FNTA: variants seen among roughly 807,000 people sequenced by gnomAD.
The protein encoded by FNTA is farnesyltransferase, CAAX box, subunit alpha, also known as protein farnesyltransferase/geranylgeranyltransferase type-1 subunit alpha.
In FNTA, 27 loss-of-function variants were observed where a neutral mutation model predicts 55.2. The observed-to-expected ratio is 0.49, with a 90% confidence interval of 0.36 to 0.67. The LOEUF is 0.67. Among genes scored for constraint, FNTA ranks in the 30% least tolerant of loss-of-function variants. The pLI, the probability that FNTA is intolerant of heterozygous loss-of-function variation, is 0.00. For synonymous variants in FNTA, 176 were observed against 170.7 expected (o/e 1.03, Z -0.24); for missense variants, 422 against 464.7 (o/e 0.91, Z 0.85).
chr8:43,073,075 A>G (rs1227211505), intron 5 of FNTA, among the ~76,000 whole-genome samples: 1 of 152,172 alleles, frequency 6.6e-6, no homozygotes, highest in Non-Finnish European at 1.5e-5. Flanking sequence ...AAACAGTTCT[A>G]GTATTGTTTC....
intron 1 of FNTA, chr8:43,057,356 AGTC>A (rs1810432917): frequency 6.6e-6 from 1 of 152,214 alleles, no homozygotes; most frequent in Non-Finnish European, 1.5e-5. Context: ...AATGAGTAGA[AGTC>A]ACTACCCATA....
At position 43,068,661 on chromosome 8, in the gene FNTA, T is replaced by G. The variant is rs572695323; in HGVS notation, c.402-894T>G. Among the ~76,000 whole-genome samples, 137 of 152,336 alleles carry G rather than the reference T, an allele frequency of 9.0e-4. 1 individual carries two copies. The highest frequency in any genetic ancestry group is 3.1e-3 in the African/African-American group (130 of 41,572). ...ATAATTTTAGTTGGTTGGCTGTCAT[T>G]ACTTAAGAATCAGAAATTTACTTTT... On this transcript the variant is annotated intron_variant, in intron 3 of 8. Coordinates refer to ENST00000302279, the MANE Select transcript of FNTA (RefSeq NM_002027.3).
intron 3 of FNTA, among the ~76,000 whole-genome samples, chr8:43,065,362 C>T (rs1320427287): frequency 6.6e-6 from 1 of 152,040 alleles, no homozygotes; most frequent in Non-Finnish European, 1.5e-5. Context: ...ATTCTCCTGC[C>T]TCAGCCTCCC....
rs543138800 is a variant in FNTA, at chr8:43,061,279, C to A, written c.286+2102C>A. Reference sequence around the variant, plus strand: ...GGCACATGGCATGAGAAGATATGCACAGGAGGTTAAAAGCACAGACTTTGG... The same window carrying A: ...GGCACATGGCATGAGAAGATATGCAAAGGAGGTTAAAAGCACAGACTTTGG... On this transcript the variant is annotated intron_variant, in intron 2 of 8. Transcript: ENST00000302279. Among the ~76,000 whole-genome samples, 17 of 152,294 alleles carry A rather than the reference C, an allele frequency of 1.1e-4. No homozygotes were observed. The South Asian group carries it at 3.5e-3, about 32-fold the overall frequency.
At chr8:43,061,986 T>C (rs1432814176) in intron 2 of FNTA, among the ~76,000 whole-genome samples, 1 of 152,200 alleles carries the variant, frequency 6.6e-6, no homozygotes, top group Non-Finnish European at 1.5e-5. Context: ...CCCAGAGTGC[T>C]GGGATTACAA....
chr8:43,085,438 T>A lies in FNTA; in HGVS notation c.*156T>A, dbSNP rs1811108478. ...AGAACTGATGCTCCTTGGGTGCTGC[T>A]GCTACTCAGACTAGCTCTAAGTAAT... is the stretch of plus-strand genomic sequence containing the variant. On this transcript the variant is annotated 3_prime_UTR_variant, in exon 9 of 9. Coordinates refer to ENST00000302279, the MANE Select transcript of FNTA (RefSeq NM_002027.3). 3.0e-6 allele frequency: 2 copies of A among 655,848 alleles called. No homozygotes were observed. The highest frequency in any genetic ancestry group is 5.2e-6 in the Non-Finnish European group (2 of 383,108). The allele number at this position is 655,848 out of a possible 1,614,324, so 40.6% of individuals were successfully genotyped here.
chr8:43,076,136 C>G (rs377510148), intron 5 of FNTA, among the ~76,000 whole-genome samples: 1 of 152,064 alleles, frequency 6.6e-6, no homozygotes, highest in Admixed American at 6.6e-5. Flanking sequence ...CTCCACCTCA[C>G]GGGTTCAAGC....
At position 43,085,588 on chromosome 8, in the gene FNTA, G is replaced by A. The variant is rs1330695496; in HGVS notation, c.*306G>A. ...ATCAGCTCCTCCCTCAGTGGTACAT[G>A]CGTCAAGATTTGTAGCAGTAATAAC... On this transcript the variant is annotated 3_prime_UTR_variant, in exon 9 of 9. Coordinates refer to ENST00000302279, the MANE Select transcript of FNTA (RefSeq NM_002027.3). 2 of 305,280 alleles carry A rather than the reference G, an allele frequency of 6.6e-6. No homozygotes were observed. The highest frequency in any genetic ancestry group is 4.5e-5 in the African/African-American group (2 of 44,852). 18.9% of individuals were successfully genotyped at this position (305,280 alleles called of 1,614,324 possible). A position where few individuals can be genotyped will look rare whatever the true frequency, so the allele number is the denominator to read the frequency against.
chr8:43,084,881 G>A lies in FNTA; in HGVS notation c.1017G>A (p.Glu339=). 1 of 1,613,408 alleles carries A rather than the reference G, an allele frequency of 6.2e-7. No homozygotes were observed. ...AAGACATTCTTAATAAAGCATTAGA[G>A]GTAAGCTGGTGGGGCTCAGTGCTGT... ...NKEDILNKAL[E]LCEILAKEKD... The change falls in exon 8 of 9, where the codon GAG becomes GAA. Residue 339 remains glutamate (E), a splice_region_variant and synonymous_variant. Transcript: ENST00000302279.
intron 3 of FNTA, 26 bp from the exon 4 acceptor site, chr8:43,069,529 C>A: frequency 1.4e-6 from 2 of 1,419,444 alleles, no homozygotes; most frequent in Non-Finnish European, 2.0e-6. Flanking sequence ...AATAATGCGA[C>A]TTTGGATGTT....
chr8:43,062,303 C>A (rs577227264), intron 2 of FNTA, among the ~76,000 whole-genome samples: 59 of 150,162 alleles, frequency 3.9e-4, no homozygotes, highest in Non-Finnish European at 5.8e-4. Context: ...TTTTTTGAGA[C>A]AGACTTTCGC....
intron 6 of FNTA, chr8:43,078,823 C>G (rs1350101216): frequency 6.6e-6 from 1 of 152,274 alleles, no homozygotes; most frequent in South Asian, 2.1e-4. Context: ...AGGCCTCTTG[C>G]ACCAAACACC....
At position 43,085,150 on chromosome 8, in the gene FNTA, T is replaced by G; in HGVS notation, c.1018-10T>G. 6.6e-7 allele frequency: 1 copy of G among 1,523,368 alleles called. No homozygotes were observed. The highest frequency in any genetic ancestry group is 2.3e-5 in the East Asian group (1 of 44,232). 94.4% of individuals were successfully genotyped at this position (1,523,368 alleles called of 1,614,324 possible). On this transcript the variant is annotated splice_polypyrimidine_tract_variant and intron_variant, in intron 8 of 8. Transcript: ENST00000302279. ...TACATATTACTTTAATTTTTATTTT[T>G]CATTTTCAGTTATGTGAAATCCTAG... is the stretch of plus-strand genomic sequence containing the variant.
intron 5 of FNTA, 177 bp from the exon 6 acceptor site, chr8:43,077,039 C>G (rs993787689): frequency 6.7e-6 from 3 of 450,996 alleles, no homozygotes; most frequent in Non-Finnish European, 1.2e-5. Context: ...GCTCTATCAT[C>G]AATTTCATAC....
chr8:43,083,853 A>G (rs888578093), intron 7 of FNTA, among the ~76,000 whole-genome samples: 5 of 152,294 alleles, frequency 3.3e-5, no homozygotes, highest in African/African-American at 1.2e-4. Flanking sequence ...TGGGCGGATT[A>G]CTTGAGGCTA....
chr8:43,083,254 T>C, intron 7 of FNTA, 74 bp downstream of exon 7: 1 of 809,446 alleles, frequency 1.2e-6, no homozygotes. Flanking sequence ...GTGTATTCCA[T>C]AATCAGATTC....
chr8:43,067,410 G>C (rs1810685492), intron 3 of FNTA, among the ~76,000 whole-genome samples: 1 of 152,094 alleles, frequency 6.6e-6, no homozygotes, highest in South Asian at 2.1e-4. Flanking sequence ...CTTTGTTCTT[G>C]TGGGTTTATT....
Position 43,072,264 on chromosome 8 carries a change from C to G in FNTA, c.590C>G (p.Ala197Gly), listed in dbSNP as rs373178685. 2.4e-5 allele frequency: 38 copies of G among 1,591,848 alleles called. No homozygotes were observed. The highest frequency in any genetic ancestry group is 3.3e-5 in the Non-Finnish European group (38 of 1,168,036). The part of the protein sequence containing the change: ...EFIADILNQD[A>G]KNYHAWQHRQ... ...ATTGCTGATATTCTTAATCAGGATG[C>G]AAAGAATTATCATGCCTGGCAGCAT... The change falls in exon 5 of 9, where the codon GCA becomes GGA. Residue 197 changes from alanine to glycine, a missense_variant. By Grantham distance (60) the Ala-to-Gly change is moderately conservative. Around this residue, in one of 2 missense-constraint regions of FNTA, gnomAD observed 262 missense variants for 343.1 expected, o/e 0.76. Coordinates refer to ENST00000302279, the MANE Select transcript of FNTA (RefSeq NM_002027.3).
At chr8:43,066,559 T>C (rs866855037) in intron 3 of FNTA, among the ~76,000 whole-genome samples, 1 of 150,914 alleles carries the variant, frequency 6.6e-6, no homozygotes, top group Non-Finnish European at 1.5e-5. Context: ...TTGCCTGGCC[T>C]GAATATTCTT....
Sources: gnomAD v4.1 joint callset for allele counts (sites outside exome capture counted in the v4.1 genomes callset) on GRCh38, gnomAD v4.1.1 for gene constraint, gnomAD v4.1.1 regional missense constraint, MANE v1.5 for transcripts, NCBI Gene and HGNC (gene_info 2026-07-23, HGNC 2026-07-21) for gene names.